PRKCE: variants seen among roughly 807,000 people sequenced by gnomAD.
PRKCE encodes the protein protein kinase C epsilon type.
In PRKCE, 16 loss-of-function variants were observed where a neutral mutation model predicts 85.4. The ratio of observed to expected loss-of-function variants is 0.19; its 90% CI spans 0.13 to 0.28. PRKCE has a LOEUF of 0.28. Ranked by LOEUF, PRKCE falls within the 10% of genes least tolerant of loss-of-function variation. The pLI, the probability that PRKCE is intolerant of heterozygous loss-of-function variation, is 1.00. For synonymous variants in PRKCE, 388 were observed against 371.5 expected (o/e 1.04, Z -0.51); for missense variants, 573 against 975.2 (o/e 0.59, Z 5.49).
chr2:45,952,421 C>G (rs1350931604), intron 2 of PRKCE, among the ~76,000 whole-genome samples: 1 of 152,186 alleles, frequency 6.6e-6, no homozygotes, highest in Non-Finnish European at 1.5e-5. Context: ...GAATTTTAAA[C>G]CAATAAAACA....
At chr2:45,938,422 G>A (rs1699632284) in intron 2 of PRKCE, among the ~76,000 whole-genome samples, 1 of 152,122 alleles carries the variant, frequency 6.6e-6, no homozygotes, top group Non-Finnish European at 1.5e-5. Flanking sequence ...GCAAAATCTA[G>A]GACTATCCTT....
At chr2:45,949,886 G>GT (rs35200982) in intron 2 of PRKCE, among the ~76,000 whole-genome samples, 29 of 71,080 alleles carry the variant, frequency 4.1e-4, no homozygotes, top group Non-Finnish European at 6.4e-4. Context: ...ATTCTTTGTT[G>GT]TTTTTTTTTT....
intron 12 of PRKCE, among the ~76,000 whole-genome samples, chr2:46,147,552 C>G (rs534438642): frequency 6.6e-6 from 1 of 152,270 alleles, no homozygotes; most frequent in Non-Finnish European, 1.5e-5. Flanking sequence ...CACAGACACT[C>G]TTCCTTCCTG....
chr2:46,149,321 TC>T (rs1676379529), intron 12 of PRKCE, among the ~76,000 whole-genome samples: 2 of 151,932 alleles, frequency 1.3e-5, no homozygotes, highest in East Asian at 3.9e-4. Flanking sequence ...TTTTTCAGGG[TC>T]CTCAAAGTGT....
At chr2:45,880,977 C>A (rs1270505356) in intron 2 of PRKCE, among the ~76,000 whole-genome samples, 21 of 151,826 alleles carry the variant, frequency 1.4e-4, no homozygotes, top group Non-Finnish European at 1.5e-5. Context: ...AACGGTGAAA[C>A]CCCGTCTCTA....
At chr2:45,824,488 C>G (rs1258537853) in intron 1 of PRKCE, among the ~76,000 whole-genome samples, 5 of 152,106 alleles carry the variant, frequency 3.3e-5, no homozygotes, top group African/African-American at 7.2e-5. Flanking sequence ...GGAGGACTCC[C>G]TTCCCCAATT....
intron 1 of PRKCE, among the ~76,000 whole-genome samples, chr2:45,688,512 C>G (rs1225691296): frequency 9.9e-5 from 15 of 152,154 alleles, no homozygotes; most frequent in Admixed American, 9.8e-4. Flanking sequence ...ATAAGTTGCA[C>G]TGGCTAGAAT....
rs116668141 is a variant in PRKCE at position 45,899,069 on chromosome 2, G to A, written c.412+56006G>A. Among the ~76,000 whole-genome samples, 632 of 152,294 alleles carry A rather than the reference G, an allele frequency of 4.1e-3. 7 individuals are homozygous for A. The highest frequency in any genetic ancestry group is 0.014 in the African/African-American group (600 of 41,554). The stretch of plus-strand genomic sequence containing the variant: ...GGGAGACTGTCCAATAGGCCATAGC[G>A]CCTTCTCTTTAGAATCCAAGTCCCG... On this transcript the variant is annotated intron_variant, in intron 2 of 14. Coordinates refer to ENST00000306156, the MANE Select transcript of PRKCE (RefSeq NM_005400.3).
intron 2 of PRKCE, among the ~76,000 whole-genome samples, chr2:45,943,858 C>T (rs146648252): frequency 6.6e-6 from 1 of 152,224 alleles, no homozygotes; most frequent in East Asian, 1.9e-4. Flanking sequence ...TTGGAGTGAC[C>T]GCGCAGTGAA....
intron 12 of PRKCE, among the ~76,000 whole-genome samples, chr2:46,146,958 G>A (rs1463434484): frequency 3.3e-5 from 5 of 152,178 alleles, no homozygotes; most frequent in African/African-American, 4.8e-5. Flanking sequence ...GTGGAGGAGA[G>A]TCCTAGTCAG....
intron 11 of PRKCE, among the ~76,000 whole-genome samples, chr2:46,122,904 T>C (rs1314913609): frequency 5.4e-5 from 8 of 148,744 alleles, no homozygotes; most frequent in Non-Finnish European, 1.0e-4. Flanking sequence ...TTTTTTTTTT[T>C]AGCAGTACAC....
intron 1 of PRKCE, among the ~76,000 whole-genome samples, chr2:45,761,487 C>A (rs1027270349): frequency 1.3e-5 from 2 of 152,138 alleles, no homozygotes; most frequent in African/African-American, 4.8e-5. Flanking sequence ...ACAATGACGT[C>A]CAGAAGTATA....
intron 11 of PRKCE, among the ~76,000 whole-genome samples, chr2:46,141,508 G>A (rs371482667): frequency 6.6e-6 from 1 of 152,326 alleles, no homozygotes; most frequent in African/African-American, 2.4e-5. Flanking sequence ...GGTGACTAGG[G>A]AATGGATGCA....
At position 45,651,919 on chromosome 2, in the gene PRKCE, A is replaced by G. The variant is rs1675144276; in HGVS notation, c.-182A>G. ...TTTCCGTTAGGAACCCGGCGAGGAA[A>G]TACATGCACTGGCTGAGAATCGCCC... On this transcript the variant is annotated 5_prime_UTR_variant, in exon 1 of 15. Transcript: ENST00000306156. 2.0e-6 allele frequency: 1 copy of G among 507,276 alleles called. No homozygotes were observed. The highest frequency in any genetic ancestry group is 3.1e-5 in the East Asian group (1 of 31,880). 31.4% of individuals were successfully genotyped at this position (507,276 alleles called of 1,614,324 possible). A position where few individuals can be genotyped will look rare whatever the true frequency, so the allele number is the denominator to read the frequency against.
Position 45,724,829 on chromosome 2 carries a change from TA to T in PRKCE, c.348+72383del, listed in dbSNP as rs538873583. Among the ~76,000 whole-genome samples, 490 of 152,324 alleles carry T rather than the reference TA, an allele frequency of 3.2e-3. 7 individuals are homozygous for T. Among genetic ancestry groups the T allele is most frequent in the African/African-American group, 0.011 (463 of 41,574 alleles). On this transcript the variant is annotated intron_variant, in intron 1 of 14. Coordinates refer to ENST00000306156, the MANE Select transcript of PRKCE (RefSeq NM_005400.3). ...TAAGGAAGCTGCAGAAGAAAAATTG[TA>T]AGCTAGCAGAGGCTAGTTTATGACG... is the stretch of plus-strand genomic sequence containing the variant.
intron 2 of PRKCE, among the ~76,000 whole-genome samples, chr2:45,867,064 G>C (rs1558770539): frequency 6.6e-6 from 1 of 152,318 alleles, no homozygotes; most frequent in East Asian, 1.9e-4. Flanking sequence ...TGTTTCAGCA[G>C]CTCCCCAAGG....
At chr2:45,922,773 A>G (rs1250276241) in intron 2 of PRKCE, among the ~76,000 whole-genome samples, 1 of 152,160 alleles carries the variant, frequency 6.6e-6, no homozygotes, top group Non-Finnish European at 1.5e-5. Context: ...ATTATCATGG[A>G]GTTGAGACCA....
upstream of PRKCE, chr2:45,651,338 C>G (rs924971787): frequency 7.3e-5 from 11 of 150,624 alleles, no homozygotes; most frequent in Non-Finnish European, 1.6e-4. Flanking sequence ...GCCCCCGAGC[C>G]GGATCGGCGG....
At chr2:45,747,701 G>T (rs1573185356) in intron 1 of PRKCE, among the ~76,000 whole-genome samples, 2 of 152,174 alleles carry the variant, frequency 1.3e-5, no homozygotes, top group East Asian at 3.8e-4. Flanking sequence ...CCCTGCTTCA[G>T]TTCTTTTGGG....
Sources: gnomAD v4.1 joint callset for allele counts (sites outside exome capture counted in the v4.1 genomes callset) on GRCh38, gnomAD v4.1.1 for gene constraint, MANE v1.5 for transcripts, NCBI Gene and HGNC (gene_info 2026-07-23, HGNC 2026-07-21) for gene names.